The following VIPR2 variants were observed in gnomAD, a reference collection of about 807,000 sequenced individuals.
VIPR2 encodes vasoactive intestinal polypeptide receptor 2.
VIPR2 carries 48 observed loss-of-function variants against 58.0 expected under a neutral mutation model. The observed-to-expected ratio is 0.83, with a 90% CI of 0.66 to 1.05. The LOEUF (loss-of-function observed/expected upper bound fraction) is 1.05. Ranked by LOEUF, VIPR2 falls within the 50% of genes least tolerant of loss-of-function variation. The pLI, the probability that VIPR2 is intolerant of heterozygous loss-of-function variation, is 0.00. For synonymous variants in VIPR2, 243 were observed against 235.2 expected (o/e 1.03, Z -0.30); for missense variants, 534 against 558.0 (o/e 0.96, Z 0.43).
At chr7:159,133,581 G>A (rs1214596261) in intron 2 of VIPR2, among the ~76,000 whole-genome samples, 1 of 152,242 alleles carries the variant, frequency 6.6e-6, no homozygotes, top group Admixed American at 6.5e-5. Flanking sequence ...CGACCAGTGA[G>A]TTTTATATTA....
At chr7:159,121,227 C>T (rs977332441) in intron 2 of VIPR2, among the ~76,000 whole-genome samples, 3 of 149,838 alleles carry the variant, frequency 2.0e-5, no homozygotes, top group Admixed American at 6.6e-5. Context: ...CCTCCTTCCT[C>T]GTCGTGCGGG....
chr7:159,073,132 T>A (rs1856488157), intron 4 of VIPR2, among the ~76,000 whole-genome samples: 1 of 152,198 alleles, frequency 6.6e-6, no homozygotes, highest in Admixed American at 6.5e-5. Flanking sequence ...AAGCACAACA[T>A]CTTATTTTTA....
chr7:159,102,691 A>G (rs1352036158), intron 4 of VIPR2, among the ~76,000 whole-genome samples: 1 of 152,220 alleles, frequency 6.6e-6, no homozygotes, highest in East Asian at 1.9e-4. Flanking sequence ...CTGGGGGCCC[A>G]GAGGGCAGAA....
chr7:159,115,791 T>G lies in VIPR2; in HGVS notation c.152-5872A>C, dbSNP rs113115124. ...ATGGAGGAACTCAGGCTGGCAAAGC[T>G]GGTGTCCGAGCTGCCCCACGCCCTC... On this transcript the variant is annotated intron_variant, in intron 2 of 12. Coordinates refer to ENST00000262178, the MANE Select transcript of VIPR2 (RefSeq NM_003382.5). Among the ~76,000 whole-genome samples, 714 of 152,360 alleles carry G rather than the reference T, an allele frequency of 4.7e-3. 5 individuals are homozygous for G. Among genetic ancestry groups the G allele is most frequent in the African/African-American group, 0.016 (682 of 41,590 alleles).
intron 4 of VIPR2, among the ~76,000 whole-genome samples, chr7:159,086,254 C>G (rs1190917360): frequency 6.6e-6 from 1 of 152,186 alleles, no homozygotes; most frequent in East Asian, 1.9e-4. Context: ...AATGTGTCTT[C>G]CAGTGAGAAC....
chr7:159,048,721 C>T (rs758961660), intron 5 of VIPR2, among the ~76,000 whole-genome samples: 40 of 152,178 alleles, frequency 2.6e-4, no homozygotes, highest in African/African-American at 9.7e-4. Flanking sequence ...TACAATTATG[C>T]TAGTGGCTTG....
chr7:159,107,304 G>A (rs1172251121), intron 3 of VIPR2, among the ~76,000 whole-genome samples: 1 of 152,198 alleles, frequency 6.6e-6, no homozygotes, highest in Non-Finnish European at 1.5e-5. Context: ...AGCAAGTCAA[G>A]GGAGAAAGGT....
At chr7:159,063,837 T>C (rs866002201) in intron 4 of VIPR2, among the ~76,000 whole-genome samples, 8 of 38,088 alleles carry the variant, frequency 2.1e-4, no homozygotes, top group African/African-American at 9.6e-4. Context: ...GGGGTCCTGG[T>C]GGGGTCTGGG....
At position 159,095,181 on chromosome 7, in the gene VIPR2, C is replaced by T. The variant is rs984235741; in HGVS notation, c.357+8576G>A. On this transcript the variant is annotated intron_variant, in intron 4 of 12. Coordinates refer to ENST00000262178, the MANE Select transcript of VIPR2 (RefSeq NM_003382.5). The surrounding 1 kb of genome is among the most constrained non-coding windows in gnomAD (Gnocchi z 5.2). ...GGCCTGGAGTCTATGAAATCGGAGC[C>T]GAGACAGCAAATCATATGACAGCAT... 4.6e-5 allele frequency among the ~76,000 whole-genome samples: 7 copies of T among 152,092 alleles called. No homozygotes were observed. Among genetic ancestry groups the T allele is most frequent in the Admixed American group, 2.0e-4 (3 of 15,258 alleles).
intron 2 of VIPR2, among the ~76,000 whole-genome samples, chr7:159,119,907 G>C (rs887195947): frequency 6.6e-6 from 1 of 150,870 alleles, no homozygotes; most frequent in Non-Finnish European, 1.5e-5. Context: ...CTGTCCCCTT[G>C]ATGCACAAAG....
chr7:159,058,673 G>A (rs954541906), intron 4 of VIPR2, 95 bp from the exon 5 acceptor site: 5 of 951,976 alleles, frequency 5.3e-6, no homozygotes, highest in Admixed American at 4.1e-5. Context: ...CTCTGGCCAT[G>A]AAGGACTCTT....
chr7:159,122,493 A>C (rs1309125398), intron 2 of VIPR2, among the ~76,000 whole-genome samples: 1 of 152,172 alleles, frequency 6.6e-6, no homozygotes, highest in Non-Finnish European at 1.5e-5. Flanking sequence ...CTGGATAAAA[A>C]CAGGCCTGGC....
chr7:159,097,220 G>A lies in VIPR2; in HGVS notation c.357+6537C>T, dbSNP rs746760948. ...AGTGAAGTTTGCCATCAGTGGGAACGAGTCACTGCGGTGGCCTGAGTGCTG... is the reference window on the plus strand; with the variant it reads ...AGTGAAGTTTGCCATCAGTGGGAACAAGTCACTGCGGTGGCCTGAGTGCTG... On this transcript the variant is annotated intron_variant, in intron 4 of 12. Coordinates refer to ENST00000262178, the MANE Select transcript of VIPR2 (RefSeq NM_003382.5). This position sits in a 1 kb window ranked among gnomAD's most constrained non-coding sequence, Gnocchi z 5.3. The A allele has an allele frequency of 4.2e-5, 60 of 1,421,864 alleles. No homozygotes were observed. The highest frequency in any genetic ancestry group is 7.2e-5 in the African/African-American group (5 of 69,556). The allele number at this position is 1,421,864 out of a possible 1,614,324, so 88.1% of individuals were successfully genotyped here. A position where few individuals can be genotyped will look rare whatever the true frequency, so the allele number is the denominator to read the frequency against.
intron 6 of VIPR2, among the ~76,000 whole-genome samples, chr7:159,041,403 C>T (rs1854322111): frequency 6.6e-6 from 1 of 152,166 alleles, no homozygotes; most frequent in Admixed American, 6.5e-5. Context: ...CGCTGGGGTC[C>T]ACTGAGGGTC....
chr7:159,136,122 T>C (rs941032126), intron 2 of VIPR2, among the ~76,000 whole-genome samples: 1 of 152,182 alleles, frequency 6.6e-6, no homozygotes, highest in Non-Finnish European at 1.5e-5. Context: ...AGGAAAGGCA[T>C]TTATTTCTCA....
rs1858053023 is a variant in VIPR2 at position 159,099,141 on chromosome 7, A to T, written c.357+4616T>A. On this transcript the variant is annotated intron_variant, in intron 4 of 12. Coordinates refer to ENST00000262178, the MANE Select transcript of VIPR2 (RefSeq NM_003382.5). This position sits in a 1 kb window ranked among gnomAD's most constrained non-coding sequence, Gnocchi z 4.2. ...ACTGCAACAGGAAGAAAAATTATTC[A>T]TTTTGGTTTTGTGCCATCCTTTTCT... Among the ~76,000 whole-genome samples the T allele has an allele frequency of 6.6e-6, 1 of 152,228 alleles. No individual in the cohort carries two copies. The highest frequency in any genetic ancestry group is 1.5e-5 in the Non-Finnish European group (1 of 68,040).
chr7:159,135,020 TTTTTTTTTTTA>T (rs377304335), intron 2 of VIPR2, among the ~76,000 whole-genome samples: 19,389 of 138,100 alleles, frequency 0.14, 2,058 homozygotes, highest in Middle Eastern at 0.18. Context: ...TTTTTTTTTT[TTTTTTTTTTTA>T]ACATTTTAAG....
Position 159,030,374 on chromosome 7 carries a change from C to G in VIPR2, c.*242G>C. 2.5e-6 allele frequency: 1 copy of G among 404,076 alleles called. No homozygotes were observed. The highest frequency in any genetic ancestry group is 4.3e-6 in the Non-Finnish European group (1 of 231,100). The allele number at this position is 404,076 out of a possible 1,614,324, so 25.0% of individuals were successfully genotyped here. A position where few individuals can be genotyped will look rare whatever the true frequency, so the allele number is the denominator to read the frequency against. ...AAAAAAAAAAAAAAAAGTGGATCCA[C>G]TATACGGCTGAAACACATTTTGCAC... On this transcript the variant is annotated 3_prime_UTR_variant, in exon 13 of 13. Transcript: ENST00000262178.
intron 1 of VIPR2, among the ~76,000 whole-genome samples, chr7:159,144,041 G>A (rs1014963100): frequency 6.6e-6 from 1 of 152,238 alleles, no homozygotes; most frequent in African/African-American, 2.4e-5. Flanking sequence ...CGACGCGCAC[G>A]AAAACCGCGC....
Sources: allele counts gnomAD v4.1 joint callset (sites outside exome capture counted in the v4.1 genomes callset), GRCh38; gene constraint gnomAD v4.1.1; non-coding constraint Gnocchi (gnomAD v3.1); transcripts MANE v1.5; gene names NCBI Gene and HGNC (gene_info 2026-07-23, HGNC 2026-07-21).